DTL: variants seen among roughly 807,000 people sequenced by gnomAD.
DTL encodes the protein denticleless E3 ubiquitin protein ligase adapter.
In DTL, 46 loss-of-function variants were observed where a neutral mutation model predicts 87.0. That is an observed-to-expected ratio of 0.53 (90% CI 0.42 to 0.68). The LOEUF (loss-of-function observed/expected upper bound fraction) is 0.68, where lower values mean the gene tolerates loss of function less well. Among genes scored for constraint, DTL ranks in the 30% least tolerant of loss-of-function variants. The pLI, the probability that DTL is intolerant of heterozygous loss-of-function variation, is 0.00. For missense variants in DTL, 737 were observed against 869.4 expected (o/e 0.85, Z 1.91); for synonymous variants, 308 against 311.2 (o/e 0.99, Z 0.11).
chr1:212,079,650 G>A (rs573129734), intron 12 of DTL, among the ~76,000 whole-genome samples: 99 of 152,256 alleles, frequency 6.5e-4, no homozygotes, highest in African/African-American at 2.3e-3. Flanking sequence ...AGCTTTTAGA[G>A]TGTGAGAATT....
At chr1:212,092,396 G>T (rs1307880145) in intron 13 of DTL, among the ~76,000 whole-genome samples, 1 of 152,126 alleles carries the variant, frequency 6.6e-6, no homozygotes, top group Non-Finnish European at 1.5e-5. Flanking sequence ...TAGGTGTGGT[G>T]GTGCATGCCT....
At chr1:212,066,915 G>A (rs17018418) in intron 8 of DTL, 30 bp downstream of exon 8, 31,710 of 1,570,150 alleles carry the variant, frequency 0.02, 429 homozygotes, top group African/African-American at 0.046. Context: ...TTCTTCCGAC[G>A]AGATCTTTTT....
chr1:212,065,079 G>A (rs776967527), intron 7 of DTL, 50 bp downstream of exon 7: 6 of 1,283,318 alleles, frequency 4.7e-6, no homozygotes, highest in Non-Finnish European at 5.6e-6. Context: ...CTGTAGGATA[G>A]AATAAATGGG....
intron 13 of DTL, among the ~76,000 whole-genome samples, chr1:212,092,045 A>G (rs1471607436): frequency 2.0e-5 from 3 of 152,142 alleles, no homozygotes; most frequent in African/African-American, 4.8e-5. Context: ...GTGATTTCTG[A>G]AATTTGGTGC....
At position 212,041,488 on chromosome 1, in the gene DTL, A is replaced by G. The variant is rs111952756; in HGVS notation, c.53-1505A>G. Among the ~76,000 whole-genome samples the G allele has an allele frequency of 9.3e-3, 1,112 of 120,024 alleles. 18 individuals are homozygous for G. Among genetic ancestry groups the G allele is most frequent in the African/African-American group, 0.032 (1,011 of 31,146 alleles). 78.7% of individuals were successfully genotyped at this position (120,024 alleles called of 152,430 possible). A position where few individuals can be genotyped will look rare whatever the true frequency, so the allele number is the denominator to read the frequency against. ...GTAGGTTAATACTTGTGACCTCAAC[A>G]TAACTATTGCATTTTTGGCGGGGGG... is the stretch of plus-strand genomic sequence containing the variant. On this transcript the variant is annotated intron_variant, in intron 1 of 14. Transcript: ENST00000366991.
At chr1:212,082,349 G>A (rs1363671288) in intron 13 of DTL, among the ~76,000 whole-genome samples, 1 of 152,154 alleles carries the variant, frequency 6.6e-6, no homozygotes, top group Non-Finnish European at 1.5e-5. Flanking sequence ...AAGGAGTTTT[G>A]TTATAAAGGA....
intron 10 of DTL, among the ~76,000 whole-genome samples, chr1:212,071,728 A>C (rs1654676576): frequency 6.6e-6 from 1 of 152,220 alleles, no homozygotes; most frequent in Non-Finnish European, 1.5e-5. Flanking sequence ...AGATGAATAT[A>C]TTATGCAGTG....
In DTL at chr1:212,104,330, A is replaced by G. The variant is rs961711975; in HGVS notation, c.*1390A>G. On this transcript the variant is annotated 3_prime_UTR_variant, in exon 15 of 15. Coordinates refer to ENST00000366991, the MANE Select transcript of DTL (RefSeq NM_016448.4). ...TAATTCCTTTGATCTTATAAGTTAA[A>G]GCTGTAACAACTGAAATTGCATGGA... 1 of 152,014 alleles carries G rather than the reference A, an allele frequency of 6.6e-6. No homozygotes were observed. Among genetic ancestry groups the G allele is most frequent in the Admixed American group, 6.6e-5 (1 of 15,242 alleles). The allele number at this position is 152,014 out of a possible 1,614,324, so 9.4% of individuals were successfully genotyped here. A position where few individuals can be genotyped will look rare whatever the true frequency, so the allele number is the denominator to read the frequency against.
At chr1:212,097,661 A>C (rs981285414) in intron 13 of DTL, among the ~76,000 whole-genome samples, 33 of 151,670 alleles carry the variant, frequency 2.2e-4, no homozygotes, top group Non-Finnish European at 4.1e-4. Context: ...GTTGGTTTTC[A>C]TCTTTCTCTG....
chr1:212,050,194 G>C (rs933783753), intron 5 of DTL, among the ~76,000 whole-genome samples: 1 of 151,928 alleles, frequency 6.6e-6, no homozygotes, highest in Non-Finnish European at 1.5e-5. Flanking sequence ...TAAATCAATC[G>C]ATCTATCTAT....
intron 14 of DTL, among the ~76,000 whole-genome samples, chr1:212,101,655 A>G (rs973772870): frequency 3.3e-5 from 5 of 152,348 alleles, no homozygotes; most frequent in African/African-American, 1.2e-4. Context: ...ATCTTTTATA[A>G]TCATTTTGCC....
At chr1:212,088,046 A>G (rs1655181508) in intron 13 of DTL, among the ~76,000 whole-genome samples, 1 of 152,190 alleles carries the variant, frequency 6.6e-6, no homozygotes, top group South Asian at 2.1e-4. Context: ...AATCTTGGCT[A>G]TGCATCATAG....
At chr1:212,066,029 A>C (rs1272126759) in intron 7 of DTL, among the ~76,000 whole-genome samples, 1 of 152,212 alleles carries the variant, frequency 6.6e-6, no homozygotes, top group Non-Finnish European at 1.5e-5. Flanking sequence ...ATTGTTAAAT[A>C]TATTGAGAAA....
intron 11 of DTL, among the ~76,000 whole-genome samples, chr1:212,077,392 CCCTT>C (rs1368283481): frequency 6.6e-6 from 1 of 152,048 alleles, no homozygotes; most frequent in Non-Finnish European, 1.5e-5. Context: ...TACAATGTGA[CCCTT>C]CTTTCTGCAT....
At chr1:212,083,213 CAA>C (rs1170704366) in intron 13 of DTL, among the ~76,000 whole-genome samples, 1 of 152,084 alleles carries the variant, frequency 6.6e-6, no homozygotes, top group African/African-American at 2.4e-5. Flanking sequence ...TGGCGGCAGG[CAA>C]AGAGAGAGAT....
chr1:212,036,008 C>T, intron 1 of DTL, 66 bp downstream of exon 1: 2 of 1,519,194 alleles, frequency 1.3e-6, no homozygotes, highest in East Asian at 2.3e-5. Flanking sequence ...CACACGCCAC[C>T]TCCGACCAGG....
chr1:212,054,070 T>C (rs892571898), intron 5 of DTL, among the ~76,000 whole-genome samples: 5 of 152,208 alleles, frequency 3.3e-5, no homozygotes, highest in Admixed American at 2.0e-4. Flanking sequence ...TGGATCCAAA[T>C]TGAAGACTGT....
chr1:212,096,155 C>T (rs544803337), intron 13 of DTL, among the ~76,000 whole-genome samples: 1 of 152,246 alleles, frequency 6.6e-6, no homozygotes, highest in South Asian at 2.1e-4. Flanking sequence ...TTTGTGAGCA[C>T]AAATGTGTTC....
intron 5 of DTL, 127 bp downstream of exon 5, chr1:212,047,544 C>CT (rs1667842204): frequency 4.6e-6 from 6 of 1,300,910 alleles, no homozygotes; most frequent in Non-Finnish European, 2.1e-6. Flanking sequence ...GATTAAGATT[C>CT]TTTTTTTGGA....
Sources: gnomAD v4.1 joint callset for allele counts (sites outside exome capture counted in the v4.1 genomes callset) on GRCh38, gnomAD v4.1.1 for gene constraint, MANE v1.5 for transcripts, NCBI Gene and HGNC (gene_info 2026-07-23, HGNC 2026-07-21) for gene names.